Variants in RSRC1 observed in about 807,000 individuals in gnomAD.
RSRC1 encodes arginine and serine rich coiled-coil 1.
A neutral mutation model predicts 49.1 loss-of-function variants in RSRC1; 39 were observed. That is an observed-to-expected ratio of 0.79 (90% CI 0.61 to 1.04). RSRC1 has a LOEUF of 1.04. Ranked by LOEUF, RSRC1 falls within the 50% of genes least tolerant of loss-of-function variation. RSRC1 has a pLI of 0.00. For synonymous variants in RSRC1, 143 were observed against 130.8 expected (o/e 1.09, Z -0.63); for missense variants, 388 against 402.4 (o/e 0.96, Z 0.31).
At chr3:158,347,011 ATGT>A (rs1233652756) in intron 5 of RSRC1, among the ~76,000 whole-genome samples, 8 of 152,250 alleles carry the variant, frequency 5.3e-5, no homozygotes, top group African/African-American at 1.9e-4. Context: ...AAGACCAGAT[ATGT>A]TAAATATATA....
At position 158,347,166 on chromosome 3, in the gene RSRC1, ACT is replaced by A. The variant is rs1047603419; in HGVS notation, c.532-7680_532-7679del. Among the ~76,000 whole-genome samples, 7 of 151,874 alleles carry A rather than the reference ACT, an allele frequency of 4.6e-5. No individual in the cohort carries two copies. The South Asian group carries it at 6.2e-4, about 14-fold the overall frequency. ...TTTCTTTTTTTACATTGTTATTTTG[ACT>A]CTCTCTCTCTGATTATACTGTAAGA... is the stretch of plus-strand genomic sequence containing the variant. On this transcript the variant is annotated intron_variant, in intron 5 of 9. Coordinates refer to ENST00000611884, the MANE Select transcript of RSRC1 (RefSeq NM_001271838.2).
At chr3:158,328,195 G>A (rs963557413) in intron 5 of RSRC1, among the ~76,000 whole-genome samples, 4 of 152,120 alleles carry the variant, frequency 2.6e-5, no homozygotes, top group African/African-American at 9.7e-5. Context: ...CAATTTGCCA[G>A]TCTGTGTCTT....
At chr3:158,349,329 A>AT (rs1358556290) in intron 5 of RSRC1, among the ~76,000 whole-genome samples, 1 of 152,074 alleles carries the variant, frequency 6.6e-6, no homozygotes, top group African/African-American at 2.4e-5. Flanking sequence ...ATGATTAGCA[A>AT]TGTTGAGCAT....
chr3:158,504,313 C>G (rs988348825), intron 7 of RSRC1, among the ~76,000 whole-genome samples: 15 of 152,192 alleles, frequency 9.9e-5, no homozygotes, highest in Non-Finnish European at 1.9e-4. Flanking sequence ...TGCAGTCATT[C>G]TGGAGCTAAA....
chr3:158,355,552 T>C (rs962217375), intron 6 of RSRC1, among the ~76,000 whole-genome samples: 1 of 151,978 alleles, frequency 6.6e-6, no homozygotes, highest in Non-Finnish European at 1.5e-5. Context: ...CTGGATACCA[T>C]GTACTCTTCA....
At chr3:158,393,554 G>C (rs983786813) in intron 6 of RSRC1, among the ~76,000 whole-genome samples, 4 of 151,228 alleles carry the variant, frequency 2.6e-5, no homozygotes, top group Non-Finnish European at 5.9e-5. Flanking sequence ...ACACAAACTA[G>C]AAAATCTACA....
chr3:158,148,786 CTT>C (rs555372660), intron 3 of RSRC1, among the ~76,000 whole-genome samples: 8 of 145,470 alleles, frequency 5.5e-5, no homozygotes, highest in Admixed American at 1.4e-4. Flanking sequence ...CGAATATATA[CTT>C]TTTTTTTTTT....
At chr3:158,170,281 T>A (rs115244377) in intron 3 of RSRC1, among the ~76,000 whole-genome samples, 1,664 of 150,024 alleles carry the variant, frequency 0.011, 35 homozygotes, top group African/African-American at 0.039. Context: ...TGTCTTCTTT[T>A]ATATGTTAAC....
intron 5 of RSRC1, among the ~76,000 whole-genome samples, chr3:158,332,383 G>C (rs866033545): frequency 2.1e-4 from 32 of 151,964 alleles, no homozygotes; most frequent in African/African-American, 7.7e-4. Context: ...TTGATTCTAG[G>C]TCTCCTGGGG....
chr3:158,315,194 G>C (rs1728359850), intron 5 of RSRC1, among the ~76,000 whole-genome samples: 1 of 152,112 alleles, frequency 6.6e-6, no homozygotes, highest in African/African-American at 2.4e-5. Context: ...TTGAATGGAT[G>C]GTTACATGGA....
At chr3:158,181,769 G>A (rs11715599) in intron 3 of RSRC1, among the ~76,000 whole-genome samples, 33,113 of 152,020 alleles carry the variant, frequency 0.22, 4,190 homozygotes, top group Non-Finnish European at 0.29. Context: ...ATTTAAGTGA[G>A]TTTATTAAGA....
intron 3 of RSRC1, among the ~76,000 whole-genome samples, chr3:158,147,102 C>CTTTTTTTTTTTTTTTTT (rs35460810): frequency 5.8e-5 from 2 of 34,732 alleles, no homozygotes; most frequent in African/African-American, 3.0e-4. Flanking sequence ...GCTTTTCTGC[C>CTTTTTTTTTTTTTTTTT]TTTTTTTTTT....
chr3:158,160,147 A>G (rs1183034528), intron 3 of RSRC1, among the ~76,000 whole-genome samples: 3 of 152,298 alleles, frequency 2.0e-5, no homozygotes, highest in East Asian at 1.9e-4. Flanking sequence ...AGATCCTGCC[A>G]CAGGTAGTTA....
chr3:158,142,892 C>T (rs1716838609), intron 3 of RSRC1, among the ~76,000 whole-genome samples: 1 of 152,266 alleles, frequency 6.6e-6, no homozygotes, highest in Non-Finnish European at 1.5e-5. Flanking sequence ...TCCCTTAAGA[C>T]AGCGATCAAG....
chr3:158,348,976 T>C (rs1730715355), intron 5 of RSRC1, among the ~76,000 whole-genome samples: 1 of 152,212 alleles, frequency 6.6e-6, no homozygotes, highest in Admixed American at 6.5e-5. Context: ...TACCACGTTT[T>C]CTTTATCCAA....
intron 6 of RSRC1, among the ~76,000 whole-genome samples, chr3:158,404,958 A>G (rs1429631097): frequency 1.3e-5 from 2 of 151,990 alleles, no homozygotes; most frequent in Admixed American, 6.6e-5. Context: ...AAAGTCATTA[A>G]AGGAAAAAAA....
intron 4 of RSRC1, among the ~76,000 whole-genome samples, chr3:158,285,007 T>G (rs1236219927): frequency 1.3e-5 from 2 of 152,228 alleles, no homozygotes; most frequent in African/African-American, 2.4e-5. Flanking sequence ...GGTTTTCTTC[T>G]AGGGTTTTTA....
intron 4 of RSRC1, among the ~76,000 whole-genome samples, chr3:158,218,040 A>C (rs1722046287): frequency 1.3e-5 from 2 of 151,622 alleles, no homozygotes; most frequent in African/African-American, 4.8e-5. Context: ...GGACTGAAAG[A>C]TGATCACAGA....
intron 3 of RSRC1, among the ~76,000 whole-genome samples, chr3:158,197,438 T>C (rs1237226524): frequency 1.3e-5 from 2 of 152,146 alleles, no homozygotes; most frequent in African/African-American, 4.8e-5. Flanking sequence ...TTTGTTGATC[T>C]TTTCACAAAA....
Sources: allele counts gnomAD v4.1 joint callset (sites outside exome capture counted in the v4.1 genomes callset), GRCh38; gene constraint gnomAD v4.1.1; transcripts MANE v1.5; gene names NCBI Gene and HGNC (gene_info 2026-07-23, HGNC 2026-07-21).